MCU: variants seen among roughly 807,000 people sequenced by gnomAD.
MCU encodes the protein calcium uniporter protein, mitochondrial.
Under a neutral mutation model 45.2 loss-of-function variants are expected in MCU, and 12 were observed. That is an observed-to-expected ratio of 0.27 (90% CI 0.17 to 0.43). The LOEUF is 0.43. Among genes scored for constraint, MCU ranks in the 20% least tolerant of loss-of-function variants. The probability of loss-of-function intolerance (pLI) is 1.00; values close to 1 mark genes in which losing one functional copy is unlikely to be tolerated. For synonymous variants in MCU, 160 were observed against 165.1 expected (o/e 0.97, Z 0.24); for missense variants, 324 against 436.7 (o/e 0.74, Z 2.30).
chr10:72,768,572 T>G (rs1226717944), intron 1 of MCU, among the ~76,000 whole-genome samples: 1 of 152,198 alleles, frequency 6.6e-6, no homozygotes, highest in Non-Finnish European at 1.5e-5. Context: ...AGCATGATGA[T>G]AGTTTCAACC....
At chr10:72,812,119 A>C (rs1844553243) in intron 1 of MCU, among the ~76,000 whole-genome samples, 1 of 151,380 alleles carries the variant, frequency 6.6e-6, no homozygotes, top group Admixed American at 6.6e-5. Context: ...AAATGCTTTT[A>C]ATTTGTAATT....
At chr10:72,775,045 T>C (rs1843869804) in intron 1 of MCU, among the ~76,000 whole-genome samples, 1 of 152,062 alleles carries the variant, frequency 6.6e-6, no homozygotes, top group African/African-American at 2.4e-5. Flanking sequence ...CTAGATCTAA[T>C]AGACTTGATA....
chr10:72,699,573 A>T (rs1454171381), intron 1 of MCU, among the ~76,000 whole-genome samples: 2 of 151,318 alleles, frequency 1.3e-5, no homozygotes, highest in African/African-American at 4.9e-5. Context: ...AGGAAACAAG[A>T]GTATGAGTGG....
intron 2 of MCU, among the ~76,000 whole-genome samples, chr10:72,842,788 C>G (rs2132846538): frequency 6.6e-6 from 1 of 150,388 alleles, no homozygotes; most frequent in African/African-American, 2.4e-5. Flanking sequence ...AAATCAGTTT[C>G]CAGTGCAATA....
chr10:72,711,520 CT>C lies in MCU; in HGVS notation c.150+19232del, dbSNP rs748329420. Among the ~76,000 whole-genome samples, 632 of 134,064 alleles carry C rather than the reference CT, an allele frequency of 4.7e-3. 2 individuals carry two copies. Among genetic ancestry groups the C allele is most frequent in the African/African-American group, 0.013 (473 of 36,648 alleles). 88.0% of individuals were successfully genotyped at this position (134,064 alleles called of 152,430 possible). On this transcript the variant is annotated intron_variant, in intron 1 of 7. Coordinates refer to ENST00000373053, the MANE Select transcript of MCU (RefSeq NM_138357.3). Reference sequence around the variant, plus strand: ...ACAGGCATGAGCCACTACGCCTGGCCTTTTTTTTTTTTTCCCTCTTAATACT... The same window carrying C: ...ACAGGCATGAGCCACTACGCCTGGCCTTTTTTTTTTTTCCCTCTTAATACT...
rs565637890 is a variant in MCU at position 72,778,646 on chromosome 10, A to G, written c.151-55713A>G. Among the ~76,000 whole-genome samples the G allele has an allele frequency of 6.6e-5, 10 of 152,290 alleles. No homozygotes were observed. The South Asian group carries it at 1.9e-3, about 28-fold the overall frequency. ...AGCAAGAACACTGTCCTTGTTTTGT[A>G]ATAAACCAATATTCATAATTAAAAT... On this transcript the variant is annotated intron_variant, in intron 1 of 7. Transcript: ENST00000373053.
chr10:72,717,706 C>A (rs1003009799), intron 1 of MCU, among the ~76,000 whole-genome samples: 1 of 152,110 alleles, frequency 6.6e-6, no homozygotes, highest in Admixed American at 6.6e-5. Flanking sequence ...ATGCTTTCCT[C>A]ATATATCTAT....
intron 6 of MCU, among the ~76,000 whole-genome samples, chr10:72,881,902 A>G (rs192043938): frequency 6.6e-6 from 1 of 152,302 alleles, no homozygotes; most frequent in African/African-American, 2.4e-5. Context: ...AAACAACCCA[A>G]ATGCTATCAG....
At chr10:72,733,267 G>A (rs911628457) in intron 1 of MCU, among the ~76,000 whole-genome samples, 21 of 152,146 alleles carry the variant, frequency 1.4e-4, no homozygotes, top group African/African-American at 5.1e-4. Context: ...GACCAGCCTG[G>A]CCAACATGGT....
intron 1 of MCU, among the ~76,000 whole-genome samples, chr10:72,759,307 C>G (rs889519209): frequency 2.3e-4 from 35 of 152,050 alleles, no homozygotes; most frequent in African/African-American, 8.2e-4. Context: ...GCTGCATGCA[C>G]TGGTAATTAG....
At chr10:72,766,448 GAC>G (rs1181349005) in intron 1 of MCU, 1 of 152,118 alleles carries the variant, frequency 6.6e-6, no homozygotes, top group Non-Finnish European at 1.5e-5. Flanking sequence ...GCAAGAAAAA[GAC>G]AACCTATGTT....
Position 72,802,664 on chromosome 10 carries a change from G to A in MCU, c.151-31695G>A, listed in dbSNP as rs575337659. On this transcript the variant is annotated intron_variant, in intron 1 of 7. Transcript: ENST00000373053. Reference sequence around the variant, plus strand: ...TGTGTATATACATACAAAATATTCAGCCTTTGCTTTAAAAGGCAAATAGAA... The same window carrying A: ...TGTGTATATACATACAAAATATTCAACCTTTGCTTTAAAAGGCAAATAGAA... Among the ~76,000 whole-genome samples the A allele has an allele frequency of 9.6e-4, 146 of 152,270 alleles. 1 individual carries two copies. Among genetic ancestry groups the A allele is most frequent in the African/African-American group, 3.1e-3 (128 of 41,558 alleles).
intron 1 of MCU, among the ~76,000 whole-genome samples, chr10:72,699,567 A>G (rs1377723858): frequency 6.6e-6 from 1 of 151,902 alleles, no homozygotes; most frequent in Non-Finnish European, 1.5e-5. Flanking sequence ...ATATTGAGGA[A>G]ACAAGAGTAT....
intron 4 of MCU, 124 bp from the exon 5 acceptor site, chr10:72,868,579 C>A: frequency 9.2e-5 from 64 of 692,012 alleles, no homozygotes; most frequent in Non-Finnish European, 1.3e-4. Flanking sequence ...AGAGCTATTA[C>A]TTTCCTTCAG....
intron 1 of MCU, among the ~76,000 whole-genome samples, chr10:72,767,768 T>G (rs1843749169): frequency 6.6e-6 from 1 of 152,194 alleles, no homozygotes; most frequent in Non-Finnish European, 1.5e-5. Flanking sequence ...ATGACTTTGG[T>G]CAAAAGGTTT....
At chr10:72,831,656 T>C (rs1289758898) in intron 1 of MCU, among the ~76,000 whole-genome samples, 7 of 152,134 alleles carry the variant, frequency 4.6e-5, no homozygotes, top group Non-Finnish European at 1.0e-4. Context: ...GTTAAATGTA[T>C]GGGGGGAAAA....
chr10:72,878,882 T>TA (rs1184521933), intron 6 of MCU, among the ~76,000 whole-genome samples: 3 of 152,142 alleles, frequency 2.0e-5, no homozygotes, highest in African/African-American at 7.2e-5. Flanking sequence ...AATATTTAAA[T>TA]AAAGAGTTAA....
intron 3 of MCU, chr10:72,860,110 A>T: frequency 4.4e-6 from 1 of 229,346 alleles, no homozygotes; most frequent in Non-Finnish European, 8.7e-6. Flanking sequence ...AGCTTCCATT[A>T]TAGGCAGTAT....
At chr10:72,783,180 T>G (rs1360617801) in intron 1 of MCU, among the ~76,000 whole-genome samples, 2 of 152,220 alleles carry the variant, frequency 1.3e-5, no homozygotes, top group African/African-American at 2.4e-5. Context: ...AATGTCAATG[T>G]GTAGACTTTT....
Sources: gnomAD v4.1 joint callset for allele counts (sites outside exome capture counted in the v4.1 genomes callset) on GRCh38, gnomAD v4.1.1 for gene constraint, MANE v1.5 for transcripts, NCBI Gene and HGNC (gene_info 2026-07-23, HGNC 2026-07-21) for gene names.